F13B: variants seen among roughly 807,000 people sequenced by gnomAD.
F13B encodes the protein coagulation factor XIII B chain.
Under a neutral mutation model 79.8 loss-of-function variants are expected in F13B, and 58 were observed. The ratio of observed to expected loss-of-function variants is 0.73; its 90% confidence interval spans 0.59 to 0.90. F13B has a LOEUF of 0.90. Among genes scored for constraint, F13B ranks in the 40% least tolerant of loss-of-function variants. F13B has a pLI of 0.00. For synonymous variants in F13B, 283 were observed against 260.3 expected (o/e 1.09, Z -0.84); for missense variants, 773 against 777.0 (o/e 0.99, Z 0.06).
intron 5 of F13B, among the ~76,000 whole-genome samples, chr1:197,058,291 T>A (rs747588784): frequency 1.5e-4 from 23 of 152,328 alleles, no homozygotes; most frequent in Middle Eastern, 6.8e-3. Flanking sequence ...CACGTCTGTC[T>A]AAATTAAAGT....
chr1:197,065,328 T>C (rs1656008676), intron 1 of F13B, among the ~76,000 whole-genome samples: 1 of 152,218 alleles, frequency 6.6e-6, no homozygotes, highest in Admixed American at 6.5e-5. Flanking sequence ...TTGGAGAATA[T>C]GAATTCCTGA....
Position 197,061,194 on chromosome 1 carries a change from T to C in F13B, c.452-119A>G, listed in dbSNP as rs148119816. On this transcript the variant is annotated intron_variant, in intron 3 of 11. Coordinates refer to ENST00000367412, the MANE Select transcript of F13B (RefSeq NM_001994.3). Reference sequence around the variant, plus strand: ...ATGGTAAAATCAACTCTTAGCAAAATTGAAAAATAGCCCCAATTTTTCTTT... The same window carrying C: ...ATGGTAAAATCAACTCTTAGCAAAACTGAAAAATAGCCCCAATTTTTCTTT... 408 of 547,924 alleles carry C rather than the reference T, an allele frequency of 7.4e-4. 2 individuals are homozygous for C. The highest frequency in any genetic ancestry group is 3.1e-3 in the Middle Eastern group (6 of 1,918). 33.9% of individuals were successfully genotyped at this position (547,924 alleles called of 1,614,324 possible).
In F13B at chr1:197,038,981, A is replaced by G. The variant is rs1426833809; in HGVS notation, c.*397T>C. On this transcript the variant is annotated 3_prime_UTR_variant, in exon 12 of 12. Transcript: ENST00000367412. ...TCTCTAGTGTGTTTGGCCCTTTAAT[A>G]GTGACATAAACTTTGAATTAAGGGT... Among the ~76,000 whole-genome samples the G allele has an allele frequency of 6.6e-6, 1 of 152,094 alleles. No homozygotes were observed. The highest frequency in any genetic ancestry group is 1.9e-4 in the East Asian group (1 of 5,194).
In F13B at chr1:197,060,415, TA is replaced by T; in HGVS notation, c.755del (p.Leu252Ter). 6.2e-7 allele frequency: 1 copy of T among 1,612,416 alleles called. No individual in the cohort carries two copies. Among genetic ancestry groups the T allele is most frequent in the Non-Finnish European group, 8.5e-7 (1 of 1,178,912 alleles). On this transcript the variant is annotated frameshift_variant, in exon 5 of 12. Transcript: ENST00000367412. LOFTEE classifies it high-confidence loss of function. ...ACCAACCAAAGTTATAGCATTGAAT[TA>T]AATCAGATCCACTTAGATAATAATT... ...HENYYLSGSD[L>X]IQCYNFGWYP...
chr1:197,041,509 T>G (rs1655036053), intron 10 of F13B, among the ~76,000 whole-genome samples: 1 of 152,134 alleles, frequency 6.6e-6, no homozygotes, highest in African/African-American at 2.4e-5. Context: ...GACCTAGCAT[T>G]AAGGAATAAC....
In F13B at chr1:197,061,837, AC is replaced by A; in HGVS notation, c.397del (p.Val133PhefsTer40). ...AGACCATCCATCAGAGAGACATTGA[AC>A]CACTTCTTCATCCTTCCCTCCAGTG... Reference protein sequence around the residue: ...KTTGGKDEEVVQCLSDGWSSQ... With the variant: ...KTTGGKDEEVXQCLSDGWSSQ... On this transcript the variant is annotated frameshift_variant, in exon 3 of 12. Coordinates refer to ENST00000367412, the MANE Select transcript of F13B (RefSeq NM_001994.3). LOFTEE classifies it high-confidence loss of function. The A allele has an allele frequency of 6.2e-7, 1 of 1,613,450 alleles. No homozygotes were observed. The highest frequency in any genetic ancestry group is 8.5e-7 in the Non-Finnish European group (1 of 1,179,636).
Position 197,057,316 on chromosome 1 carries a change from C to A in F13B, c.955G>T (p.Gly319Ter). The change falls in exon 6 of 12, where the codon GGA becomes TGA. Residue 319 changes from glycine to a stop codon, truncating the protein, a stop_gained. Transcript: ENST00000367412. LOFTEE classifies it high-confidence loss of function. ...CATTTTGGAGGTTCTGTCCATTTTC[C>A]ATCTTCACAACGTATTTCTGCTGAC... ...HGSAEIRCEDGKWTEPPKCIE... is the reference protein window; with the variant it reads ...HGSAEIRCED The A allele has an allele frequency of 6.2e-7, 1 of 1,613,884 alleles. No individual in the cohort carries two copies. Among genetic ancestry groups the A allele is most frequent in the Non-Finnish European group, 8.5e-7 (1 of 1,179,916 alleles).
chr1:197,044,347 G>T (rs1367543225), intron 10 of F13B, among the ~76,000 whole-genome samples: 1 of 152,018 alleles, frequency 6.6e-6, no homozygotes, highest in Admixed American at 6.6e-5. Context: ...TGCTGAGCAG[G>T]GGTTACAATC....
intron 3 of F13B, 29 bp from the exon 4 acceptor site, chr1:197,061,104 A>G: frequency 2.7e-6 from 3 of 1,102,534 alleles, no homozygotes; most frequent in East Asian, 5.9e-5. Flanking sequence ...TTTATTTTAT[A>G]AACTTTTTTA....
At chr1:197,066,850 T>C (rs1036240989) in intron 1 of F13B, among the ~76,000 whole-genome samples, 1 of 152,122 alleles carries the variant, frequency 6.6e-6, no homozygotes, top group Non-Finnish European at 1.5e-5. Flanking sequence ...AAAGTTAACA[T>C]GTGACTTCGA....
intron 1 of F13B, among the ~76,000 whole-genome samples, chr1:197,064,006 T>TACTTGGAAAGA (rs1260592212): frequency 6.6e-6 from 1 of 151,986 alleles, no homozygotes; most frequent in Non-Finnish European, 1.5e-5. Flanking sequence ...AACAAAGCAA[T>TACTTGGAAAGA]ACTTGGCAAG....
chr1:197,050,663 T>A, intron 10 of F13B, 34 bp downstream of exon 10: 3 of 1,588,766 alleles, frequency 1.9e-6, no homozygotes, highest in Non-Finnish European at 2.6e-6. Flanking sequence ...ATATATAGTT[T>A]TACTTTGTTA....
At chr1:197,048,053 T>A (rs1269015664) in intron 10 of F13B, among the ~76,000 whole-genome samples, 1 of 151,896 alleles carries the variant, frequency 6.6e-6, no homozygotes, top group African/African-American at 2.4e-5. Flanking sequence ...AGTTGATGGG[T>A]GCAGCAAACC....
chr1:197,040,195 G>A (rs981910125), intron 11 of F13B: 7 of 241,576 alleles, frequency 2.9e-5, no homozygotes, highest in Non-Finnish European at 5.6e-5. Flanking sequence ...AGGAGAAAGT[G>A]TGATTTTTGT....
chr1:197,048,318 C>T (rs1199875826), intron 10 of F13B, among the ~76,000 whole-genome samples: 3 of 151,244 alleles, frequency 2.0e-5, no homozygotes, highest in Non-Finnish European at 4.4e-5. Flanking sequence ...ATAGACTATT[C>T]CATTACAAGG....
chr1:197,046,511 A>T (rs1472056263), intron 10 of F13B, among the ~76,000 whole-genome samples: 2 of 152,216 alleles, frequency 1.3e-5, no homozygotes, highest in Non-Finnish European at 2.9e-5. Context: ...GAAATAAAAG[A>T]TGACACAAAC....
chr1:197,057,904 C>T (rs17549624), intron 5 of F13B, among the ~76,000 whole-genome samples: 2,032 of 152,250 alleles, frequency 0.013, 39 homozygotes, highest in African/African-American at 0.044. Context: ...CTGCAAAGCA[C>T]TGAATGCTGC....
In F13B at chr1:197,050,678, C is replaced by T. The variant is rs1257710760; in HGVS notation, c.1738+19G>A. ...ATATATAGTTTTACTTTGTTAGAGG[C>T]ATATTTAGTAGTACATACCTAAACA... On this transcript the variant is annotated intron_variant, in intron 10 of 11. Coordinates refer to ENST00000367412, the MANE Select transcript of F13B (RefSeq NM_001994.3). The T allele has an allele frequency of 1.4e-5, 23 of 1,606,824 alleles. No homozygotes were observed. Among genetic ancestry groups the T allele is most frequent in the Non-Finnish European group, 2.0e-5 (23 of 1,174,226 alleles).
At chr1:197,062,022 C>A (rs1356267209) in intron 2 of F13B, 53 bp from the exon 3 acceptor site, 1 of 1,478,820 alleles carries the variant, frequency 6.8e-7, no homozygotes, top group African/African-American at 1.4e-5. Flanking sequence ...TTGTCTTTTA[C>A]TAAATTGTAA....
Sources: allele counts gnomAD v4.1 joint callset (sites outside exome capture counted in the v4.1 genomes callset), GRCh38; gene constraint gnomAD v4.1.1; transcripts MANE v1.5; gene names NCBI Gene and HGNC (gene_info 2026-07-23, HGNC 2026-07-21).